OTUD5: variants seen among roughly 807,000 people sequenced by gnomAD.
The protein encoded by OTUD5 is OTU domain-containing protein 5.
A neutral mutation model predicts 36.3 loss-of-function variants in OTUD5; 2 were observed. The ratio of observed to expected loss-of-function variants is 0.06; its 90% CI spans 0.02 to 0.17. The LOEUF is 0.17. OTUD5 is among the 10% of genes least tolerant of loss of function. The probability of loss-of-function intolerance (pLI) is 1.00; values close to 1 mark genes in which losing one functional copy is unlikely to be tolerated. For synonymous variants in OTUD5, 234 were observed against 214.9 expected, an observed-to-expected ratio of 1.09 and a Z score of -0.78; for missense variants, 233 against 512.3, an observed-to-expected ratio of 0.45 and a Z score of 5.26.
At chrX:48,942,887 A>T (rs1488754320) in intron 2 of OTUD5, among the ~76,000 whole-genome samples, 1 of 110,736 alleles carries the variant, frequency 9.0e-6, no homozygotes, top group Non-Finnish European at 1.9e-5. Flanking sequence ...ACAGATGAGG[A>T]AACAGCCTCA....
chrX:48,956,738 T>C (rs1468674926), intron 1 of OTUD5, among the ~76,000 whole-genome samples: 1 of 111,225 alleles, frequency 9.0e-6, no homozygotes, highest in Non-Finnish European at 1.9e-5. Flanking sequence ...ATGACGACTA[T>C]AGACCTTAAA....
At position 48,957,205 on chromosome X, in the gene OTUD5, C is replaced by T. The variant is rs782394330; in HGVS notation, c.366G>A (p.Ala122=). 9.0e-7 allele frequency: 1 copy of T among 1,107,628 alleles called. No individual in the cohort carries two copies. Among genetic ancestry groups the T allele is most frequent in the South Asian group, 2.2e-5 (1 of 46,105 alleles). The allele number at this position is 1,107,628 out of a possible 1,213,427, so 91.3% of individuals were successfully genotyped here. Residue 122 remains alanine, a synonymous_variant, in exon 1 of 9, where the codon GCG becomes GCA. Transcript: ENST00000376488. The stretch of plus-strand genomic sequence containing the variant: ...CCACCACGCCCGCGGCACCCACACC[C>T]GCCGCCGCTGCGCCCAGCGCGTCGC... ...GPGDALGAAA[A]GVGAAGVVVG...
At chrX:48,956,682 G>C (rs1032409606) in intron 1 of OTUD5, among the ~76,000 whole-genome samples, 3 of 111,140 alleles carry the variant, frequency 2.7e-5, no homozygotes, top group Non-Finnish European at 5.7e-5. Context: ...ATCTCTTGGA[G>C]AATTCCCACC....
At chrX:48,926,390 G>A (rs1016444473) in intron 5 of OTUD5, among the ~76,000 whole-genome samples, 47 of 106,224 alleles carry the variant, frequency 4.4e-4, no homozygotes, top group Non-Finnish European at 2.9e-4. Context: ...TCGCTCTGTC[G>A]CCCAGGCTGG....
At chrX:48,936,245 G>C (rs1405411072) in intron 2 of OTUD5, 1 of 111,438 alleles carries the variant, frequency 9.0e-6, no homozygotes, top group African/African-American at 3.3e-5. Context: ...GGCGTCGTGA[G>C]ATTTGGTCAA....
Position 48,922,407 on chromosome X carries a change from G to T in OTUD5, c.*767C>A. The stretch of plus-strand genomic sequence containing the variant: ...AAGCTAGTGGTGGTGGAAGCAAAAG[G>T]AATGCAGCAAGGTCAGGGTTTCATT... On this transcript the variant is annotated 3_prime_UTR_variant, in exon 9 of 9. Transcript: ENST00000376488. 1 of 363,229 alleles carries T rather than the reference G, an allele frequency of 2.8e-6. No homozygotes were observed. Among genetic ancestry groups the T allele is most frequent in the Non-Finnish European group, 3.5e-6 (1 of 281,816 alleles). The allele number at this position is 363,229 out of a possible 1,213,427, so 29.9% of individuals were successfully genotyped here.
chrX:48,945,266 CTTTTTT>C (rs139382090), intron 1 of OTUD5, among the ~76,000 whole-genome samples: 1 of 73,272 alleles, frequency 1.4e-5, no homozygotes, highest in African/African-American at 5.7e-5. Flanking sequence ...AAAATCAAGT[CTTTTTT>C]TTTTTTTTTT....
chrX:48,930,362 C>T (rs992007236), intron 5 of OTUD5, among the ~76,000 whole-genome samples: 14 of 111,552 alleles, frequency 1.3e-4, no homozygotes, highest in Non-Finnish European at 2.4e-4. Flanking sequence ...CATCTGATGG[C>T]GTATCTACTG....
chrX:48,941,471 G>C (rs868979845), intron 2 of OTUD5, among the ~76,000 whole-genome samples: 1 of 69,106 alleles, frequency 1.4e-5, no homozygotes, highest in Admixed American at 1.6e-4. Flanking sequence ...AAAAAAAAAA[G>C]AATGCGTGTC....
intron 2 of OTUD5, among the ~76,000 whole-genome samples, chrX:48,938,694 CAA>C (rs782283882): frequency 1.1e-4 from 10 of 94,864 alleles, no homozygotes; most frequent in Non-Finnish European, 8.6e-5. Context: ...AACTCTGTCT[CAA>C]AAAAAAAAAA....
At chrX:48,943,836 C>T (rs1443995690) in intron 2 of OTUD5, among the ~76,000 whole-genome samples, 3 of 111,178 alleles carry the variant, frequency 2.7e-5, no homozygotes, top group Admixed American at 9.6e-5. Flanking sequence ...CCAGACAAGT[C>T]ACCCACCATC....
intron 1 of OTUD5, among the ~76,000 whole-genome samples, chrX:48,949,276 C>T (rs781880682): frequency 2.7e-5 from 3 of 112,097 alleles, no homozygotes; most frequent in Non-Finnish European, 5.6e-5. Context: ...GGCCAGGCGT[C>T]GTGGCTCATG....
intron 5 of OTUD5, among the ~76,000 whole-genome samples, chrX:48,927,377 G>A: frequency 9.0e-6 from 1 of 111,221 alleles, no homozygotes; most frequent in Non-Finnish European, 1.9e-5. Context: ...CAGGTTGAGG[G>A]CTCAGTCCCA....
At chrX:48,958,011 T>G (rs782407179), upstream of OTUD5, 43 of 135,039 alleles carry the variant, frequency 3.2e-4, no homozygotes, top group African/African-American at 1.3e-3. Context: ...TACTCGGAAG[T>G]ACGTGGGCAA....
chrX:48,924,563 T>C (rs913352107), intron 6 of OTUD5, among the ~76,000 whole-genome samples: 2 of 111,980 alleles, frequency 1.8e-5, no homozygotes, highest in Non-Finnish European at 3.8e-5. Context: ...CCCTACCCAA[T>C]TGGACCCACA....
At chrX:48,956,824 G>C (rs1557055437) in intron 1 of OTUD5, among the ~76,000 whole-genome samples, 153 bp downstream of exon 1, 1 of 111,107 alleles carries the variant, frequency 9.0e-6, no homozygotes, top group African/African-American at 3.3e-5. Context: ...AGGAAAGAAG[G>C]TGTCTCACAT....
At chrX:48,941,642 G>A (rs1557051071) in intron 2 of OTUD5, among the ~76,000 whole-genome samples, 2 of 110,011 alleles carry the variant, frequency 1.8e-5, no homozygotes, top group Non-Finnish European at 3.8e-5. Flanking sequence ...CACAGCAGGG[G>A]TCAAGGAAAC....
rs2064017227 is a variant in OTUD5 at position 48,945,783 on chromosome X, C to T, written c.595-1500G>A. On this transcript the variant is annotated intron_variant, in intron 1 of 8. Transcript: ENST00000376488. ...TATAAATTGTTTTTTTCCTAAATTC[C>T]AAAGCACACCTGGCACCACGAAGGT... Among the ~76,000 whole-genome samples the T allele has an allele frequency of 2.7e-5, 3 of 111,027 alleles. No individual in the cohort carries two copies. The Admixed American group carries it at 2.9e-4, about 11-fold the overall frequency.
At chrX:48,940,868 T>C (rs975721764) in intron 2 of OTUD5, 1 of 112,024 alleles carries the variant, frequency 8.9e-6, no homozygotes. Flanking sequence ...GCAATGGATA[T>C]TGCTTAACTC....
Sources: gnomAD v4.1 joint callset for allele counts (sites outside exome capture counted in the v4.1 genomes callset) on GRCh38, gnomAD v4.1.1 for gene constraint, MANE v1.5 for transcripts, NCBI Gene and HGNC (gene_info 2026-07-23, HGNC 2026-07-21) for gene names.